Variants in TP63 observed in about 807,000 individuals in gnomAD.
TP63 encodes the protein tumor protein p63, also known as tumor protein 63.
Under a neutral mutation model 82.8 loss-of-function variants are expected in TP63, and 17 were observed. That is an observed-to-expected ratio of 0.21 (90% CI 0.14 to 0.31). TP63 has a LOEUF of 0.31. Ranked by LOEUF, TP63 falls within the 10% of genes least tolerant of loss-of-function variation. TP63 has a pLI of 1.00. For missense variants in TP63, 648 were observed against 895.3 expected (o/e 0.72, Z 3.52); for synonymous variants, 330 against 321.7 (o/e 1.03, Z -0.28).
At chr3:189,737,034 G>A (rs7651838) in intron 1 of TP63, among the ~76,000 whole-genome samples, 28,268 of 151,982 alleles carry the variant, frequency 0.19, 2,963 homozygotes, top group Middle Eastern at 0.26. Context: ...GCAAACTTCA[G>A]GGCTCAGCAG....
intron 1 of TP63, among the ~76,000 whole-genome samples, chr3:189,702,244 A>G (rs1054082504): frequency 6.6e-6 from 1 of 152,244 alleles, no homozygotes; most frequent in Non-Finnish European, 1.5e-5. Context: ...AATGTGAAAC[A>G]TCAGACAGAA....
intron 4 of TP63, among the ~76,000 whole-genome samples, chr3:189,857,710 G>A (rs750315608): frequency 4.6e-5 from 7 of 151,910 alleles, no homozygotes; most frequent in Non-Finnish European, 8.8e-5. Flanking sequence ...CCAAAAGACC[G>A]GAATGGATAT....
intron 4 of TP63, among the ~76,000 whole-genome samples, chr3:189,842,579 T>G (rs1332470030): frequency 1.3e-5 from 2 of 152,076 alleles, no homozygotes; most frequent in Non-Finnish European, 2.9e-5. Flanking sequence ...CAGGTTTGTT[T>G]TATTGAGGGG....
chr3:189,808,613 T>C lies in TP63; in HGVS notation c.579+87T>C. ...CCCAGGGATTTCTCCCCCTTCCCAG[T>C]TTAGCGATTCCATGTTCATGGTGGA... On this transcript the variant is annotated intron_variant, in intron 4 of 13. Coordinates refer to ENST00000264731, the MANE Select transcript of TP63 (RefSeq NM_003722.5). The C allele has an allele frequency of 3.1e-6, 5 of 1,600,736 alleles. No homozygotes were observed. The Middle Eastern group carries it at 6.6e-4, about 212-fold the overall frequency.
chr3:189,698,691 C>T (rs939522993), intron 1 of TP63, among the ~76,000 whole-genome samples: 7 of 152,056 alleles, frequency 4.6e-5, no homozygotes, highest in African/African-American at 9.7e-5. Context: ...TAGTAAATTA[C>T]GTAAATAATT....
In TP63 at chr3:189,709,910, C is replaced by T. The variant is rs577829696; in HGVS notation, c.63-27830C>T. Among the ~76,000 whole-genome samples, 7 of 152,190 alleles carry T rather than the reference C, an allele frequency of 4.6e-5. No homozygotes were observed. The South Asian group carries it at 1.5e-3, about 32-fold the overall frequency. ...CATCCATAAGATGGACATGCATTACCTTGTTTATACTTTTTAGGAATATTT... is the reference window on the plus strand; with the variant it reads ...CATCCATAAGATGGACATGCATTACTTTGTTTATACTTTTTAGGAATATTT... On this transcript the variant is annotated intron_variant, in intron 1 of 13. Coordinates refer to ENST00000264731, the MANE Select transcript of TP63 (RefSeq NM_003722.5).
intron 1 of TP63, among the ~76,000 whole-genome samples, chr3:189,682,551 AAAATATATATATATATATATATATAT>A (rs1438177921): frequency 0.024 from 730 of 30,844 alleles, 19 homozygotes; most frequent in African/African-American, 0.036. Flanking sequence ...AAAAAAAAAA[AAAATATATATATATATATATATATAT>A]ATATATATAT....
chr3:189,772,870 A>G (rs1210410118), intron 3 of TP63, among the ~76,000 whole-genome samples: 2 of 152,202 alleles, frequency 1.3e-5, no homozygotes, highest in Admixed American at 1.3e-4. Context: ...AAATAAGCAG[A>G]TAAGTGGGGT....
chr3:189,733,356 A>G (rs555367711), intron 1 of TP63, among the ~76,000 whole-genome samples: 2 of 152,292 alleles, frequency 1.3e-5, no homozygotes, highest in African/African-American at 2.4e-5. Flanking sequence ...TGTTGGTCAC[A>G]TTATCTATCA....
At chr3:189,789,732 G>GA in intron 3 of TP63, 1 of 1,448,584 alleles carries the variant, frequency 6.9e-7, no homozygotes, top group Non-Finnish European at 9.3e-7. Context: ...AGGGTCTCGG[G>GA]GTGGGGGGGT....
chr3:189,817,734 A>G (rs1037788363), intron 4 of TP63, among the ~76,000 whole-genome samples: 1 of 152,040 alleles, frequency 6.6e-6, no homozygotes, highest in South Asian at 2.1e-4. Flanking sequence ...AAAATTACAC[A>G]TAATTTTTTT....
Position 189,737,760 on chromosome 3 carries a change from A to G in TP63, c.83A>G (p.His28Arg), listed in dbSNP as rs1162429216. The part of the protein sequence containing the change: ...YIQRFVETPA[H>R]FSWKESYYRS... ...TTAAGTTTCGTAGAAACCCCAGCTCATTTCTCTTGGAAAGAAAGTTATTAC... is the reference window on the plus strand; with the variant it reads ...TTAAGTTTCGTAGAAACCCCAGCTCGTTTCTCTTGGAAAGAAAGTTATTAC... Residue 28 changes from histidine (H) to arginine (R), a missense_variant, in exon 2 of 14, where the codon CAT becomes CGT. By Grantham distance (29) the His-to-Arg change is conservative (BLOSUM62 0). Transcript: ENST00000264731. The G allele has an allele frequency of 4.3e-6, 7 of 1,613,840 alleles. No individual in the cohort carries two copies. In the East Asian group the frequency reaches 8.9e-5, roughly 21 times the overall value.
chr3:189,780,335 C>T (rs12486980), intron 3 of TP63, among the ~76,000 whole-genome samples: 20,370 of 152,082 alleles, frequency 0.13, 1,505 homozygotes, highest in East Asian at 0.32. Context: ...CTTTGCCCAC[C>T]AATAAGACTT....
At chr3:189,642,851 CATAA>C (rs1288124957) in intron 1 of TP63, among the ~76,000 whole-genome samples, 2 of 150,816 alleles carry the variant, frequency 1.3e-5, no homozygotes, top group Admixed American at 6.7e-5. Context: ...GATTTTAAAG[CATAA>C]ATAAAACATG....
In TP63 at chr3:189,650,080, A is replaced by G. The variant is rs905648538; in HGVS notation, c.62+18503A>G. ...AAGCACACATTTCAAAAGTTGACCA[A>G]TGGAATAGTTGACGTTTACAGAGAT... On this transcript the variant is annotated intron_variant, in intron 1 of 13. Transcript: ENST00000264731. 2.0e-5 allele frequency among the ~76,000 whole-genome samples: 3 copies of G among 146,660 alleles called. 1 individual carries two copies. The highest frequency in any genetic ancestry group is 7.7e-5 in the African/African-American group (3 of 39,090).
At chr3:189,697,904 A>T (rs934249090) in intron 1 of TP63, among the ~76,000 whole-genome samples, 1 of 148,802 alleles carries the variant, frequency 6.7e-6, no homozygotes, top group African/African-American at 2.5e-5. Flanking sequence ...ACTTTGTTAT[A>T]GTTGCTTATT....
intron 3 of TP63, among the ~76,000 whole-genome samples, chr3:189,768,929 G>T (rs1723141144): frequency 6.6e-6 from 1 of 152,154 alleles, no homozygotes; most frequent in East Asian, 1.9e-4. Context: ...ATTCAATCTA[G>T]GGTCAGAACA....
chr3:189,738,894 A>G (rs1226310806), intron 3 of TP63, 120 bp downstream of exon 3: 2 of 1,431,838 alleles, frequency 1.4e-6, no homozygotes, highest in Non-Finnish European at 1.9e-6. Flanking sequence ...GCCTTTGGGA[A>G]GAGAGTCTAT....
At chr3:189,841,785 T>C (rs1485617773) in intron 4 of TP63, among the ~76,000 whole-genome samples, 1 of 152,136 alleles carries the variant, frequency 6.6e-6, no homozygotes, top group Non-Finnish European at 1.5e-5. Context: ...TCAAAGAGTA[T>C]GTGTGGAAGC....
Sources: gnomAD v4.1 joint callset for allele counts (sites outside exome capture counted in the v4.1 genomes callset) on GRCh38, gnomAD v4.1.1 for gene constraint, MANE v1.5 for transcripts, NCBI Gene and HGNC (gene_info 2026-07-23, HGNC 2026-07-21) for gene names.